AGK: variants seen among roughly 807,000 people sequenced by gnomAD.
The protein encoded by AGK is acylglycerol kinase, mitochondrial.
AGK carries 52 observed loss-of-function variants against 66.4 expected under a neutral mutation model. The observed-to-expected ratio is 0.78, with a 90% CI of 0.63 to 0.99. AGK has a LOEUF of 0.99. Among genes scored for constraint, AGK ranks in the 50% least tolerant of loss-of-function variants. AGK has a pLI of 0.00. For synonymous variants in AGK, 182 were observed against 181.1 expected (o/e 1.00, Z -0.04); for missense variants, 451 against 506.6 (o/e 0.89, Z 1.05).
At chr7:141,609,961 GT>G (rs1016385954) in intron 5 of AGK, among the ~76,000 whole-genome samples, 1 of 149,802 alleles carries the variant, frequency 6.7e-6, no homozygotes, top group African/African-American at 2.5e-5. Context: ...GTATGTATGG[GT>G]TTTTTTTTGT....
Position 141,654,246 on chromosome 7 carries a change from TAA to T in AGK, c.*1325_*1326del, listed in dbSNP as rs944058713. ...AAAACGGTATTAATTCTTGGATGATTAAAAGTTTTTTTATTAGAATGTTCTTT... is the reference window on the plus strand; with the variant it reads ...AAAACGGTATTAATTCTTGGATGATTAAGTTTTTTTATTAGAATGTTCTTT... On this transcript the variant is annotated 3_prime_UTR_variant, in exon 16 of 16. Coordinates refer to ENST00000649286, the MANE Select transcript of AGK (RefSeq NM_018238.4). The T allele has an allele frequency of 2.6e-5, 4 of 152,224 alleles. No individual in the cohort carries two copies. The highest frequency in any genetic ancestry group is 7.2e-5 in the African/African-American group (3 of 41,462). The allele number at this position is 152,224 out of a possible 1,614,324, so 9.4% of individuals were successfully genotyped here.
intron 1 of AGK, 33 bp downstream of exon 1, chr7:141,551,467 G>A: frequency 6.5e-6 from 1 of 153,402 alleles, no homozygotes; most frequent in Non-Finnish European, 1.5e-5. Context: ...GGGGAGCGCA[G>A]TGCGGGTCGC....
chr7:141,642,328 T>G, intron 13 of AGK, among the ~76,000 whole-genome samples: 1 of 152,242 alleles, frequency 6.6e-6, no homozygotes, highest in East Asian at 1.9e-4. Flanking sequence ...TACATCTGTA[T>G]CTATATCTAC....
rs1410534691 is a variant in AGK, at chr7:141,653,489, A to AT, written c.*572dup. On this transcript the variant is annotated 3_prime_UTR_variant, in exon 16 of 16. Transcript: ENST00000649286. ...TACCGGAAAATGCTAGTTTTTATTT[A>AT]TTTTTTTAAGTAGTGCTTCCTAAAT... 2 of 152,220 alleles carry AT rather than the reference A, an allele frequency of 1.3e-5. No individual in the cohort carries two copies. Among genetic ancestry groups the AT allele is most frequent in the African/African-American group, 4.8e-5 (2 of 41,418 alleles). The allele number at this position is 152,220 out of a possible 1,614,324, so 9.4% of individuals were successfully genotyped here. A position where few individuals can be genotyped will look rare whatever the true frequency, so the allele number is the denominator to read the frequency against.
At chr7:141,621,505 T>C (rs1330117888) in intron 8 of AGK, among the ~76,000 whole-genome samples, 2 of 152,116 alleles carry the variant, frequency 1.3e-5, no homozygotes, top group African/African-American at 4.8e-5. Flanking sequence ...ATCAGTGCCT[T>C]GTATGAACTT....
At chr7:141,590,317 G>T (rs1796084239) in intron 2 of AGK, among the ~76,000 whole-genome samples, 1 of 152,188 alleles carries the variant, frequency 6.6e-6, no homozygotes, top group South Asian at 2.1e-4. Context: ...AAATGGGCAG[G>T]ATATAGAGAT....
At chr7:141,626,237 A>G (rs751612500) in intron 9 of AGK, among the ~76,000 whole-genome samples, 5 of 152,226 alleles carry the variant, frequency 3.3e-5, no homozygotes, top group Non-Finnish European at 7.3e-5. Context: ...TATTACAAAG[A>G]ACAACAATGA....
At chr7:141,591,098 T>G (rs921506850) in intron 2 of AGK, among the ~76,000 whole-genome samples, 1 of 137,962 alleles carries the variant, frequency 7.2e-6, no homozygotes, top group African/African-American at 2.8e-5. Context: ...TTTTTTTTTT[T>G]TTTTTTTTTT....
At chr7:141,553,029 TG>T (rs1795131837) in intron 1 of AGK, among the ~76,000 whole-genome samples, 1 of 152,102 alleles carries the variant, frequency 6.6e-6, no homozygotes, top group South Asian at 2.1e-4. Context: ...TAGCAAAAAC[TG>T]GGTGGCTTAA....
chr7:141,585,173 CG>C (rs1795971379), intron 2 of AGK, among the ~76,000 whole-genome samples: 1 of 152,236 alleles, frequency 6.6e-6, no homozygotes, highest in East Asian at 1.9e-4. Context: ...TTCTGTCGGC[CG>C]AAAAGATCAA....
At chr7:141,611,945 G>A (rs1197283786) in intron 6 of AGK, among the ~76,000 whole-genome samples, 1 of 152,136 alleles carries the variant, frequency 6.6e-6, no homozygotes, top group African/African-American at 2.4e-5. Flanking sequence ...TTACAAAACT[G>A]AACACACTGT....
At chr7:141,604,064 C>T (rs1008018175) in intron 5 of AGK, among the ~76,000 whole-genome samples, 5 of 151,760 alleles carry the variant, frequency 3.3e-5, no homozygotes, top group Admixed American at 6.6e-5. Context: ...TATGCAAGTA[C>T]TAATATGTAC....
At chr7:141,569,613 T>G (rs188165978) in intron 2 of AGK, among the ~76,000 whole-genome samples, 174 of 152,366 alleles carry the variant, frequency 1.1e-3, no homozygotes, top group Admixed American at 5.0e-3. Flanking sequence ...TCTGAGCACT[T>G]TACATTTATT....
rs1554400830 is a variant in AGK, at chr7:141,604,374, G to GTGTATATATATA, written c.297+3095_297+3096insGTATATATATAT. 1.5e-3 allele frequency among the ~76,000 whole-genome samples: 167 copies of GTGTATATATATA among 113,788 alleles called. 1 individual carries two copies. The highest frequency in any genetic ancestry group is 4.4e-3 in the African/African-American group (130 of 29,214). 74.6% of individuals were successfully genotyped at this position (113,788 alleles called of 152,430 possible). ...CATATGTATGAATGTGTGTGTGTGT[G>GTGTATATATATA]TATATATATATATATATATATATAT... On this transcript the variant is annotated intron_variant, in intron 5 of 15. Coordinates refer to ENST00000649286, the MANE Select transcript of AGK (RefSeq NM_018238.4).
chr7:141,618,952 T>C (rs1796765488), intron 8 of AGK, among the ~76,000 whole-genome samples: 1 of 152,182 alleles, frequency 6.6e-6, no homozygotes, highest in African/African-American at 2.4e-5. Context: ...AACACTGATA[T>C]ACCTTTACAA....
intron 9 of AGK, among the ~76,000 whole-genome samples, chr7:141,628,031 G>GCCA (rs1796974765): frequency 6.6e-6 from 1 of 152,158 alleles, no homozygotes; most frequent in Non-Finnish European, 1.5e-5. Context: ...ACAGGCGCAT[G>GCCA]CCACCACACC....
chr7:141,625,614 A>G (rs980859017), intron 9 of AGK, among the ~76,000 whole-genome samples: 1 of 152,190 alleles, frequency 6.6e-6, no homozygotes, highest in East Asian at 1.9e-4. Flanking sequence ...CGTCTACCTC[A>G]TATGGTTGTT....
At chr7:141,563,784 TC>T (rs368094441) in intron 2 of AGK, among the ~76,000 whole-genome samples, 78 of 152,344 alleles carry the variant, frequency 5.1e-4, no homozygotes, top group Middle Eastern at 6.8e-3. Context: ...GGATTTCTTG[TC>T]CCTTGGCTCC....
Position 141,555,169 on chromosome 7 carries a change from G to A in AGK, c.-14-284G>A, listed in dbSNP as rs1487043539. On this transcript the variant is annotated intron_variant, in intron 1 of 15. Coordinates refer to ENST00000649286, the MANE Select transcript of AGK (RefSeq NM_018238.4). This position sits in a 1 kb window ranked among gnomAD's most constrained non-coding sequence, Gnocchi z 4.2. ...CCCTCCCTCTTCCTTCTATTGCAATGAAGAAATAGTGATCAGAGAGGGAAG... is the reference window on the plus strand; with the variant it reads ...CCCTCCCTCTTCCTTCTATTGCAATAAAGAAATAGTGATCAGAGAGGGAAG... Among the ~76,000 whole-genome samples, 3 of 152,162 alleles carry A rather than the reference G, an allele frequency of 2.0e-5. No homozygotes were observed.
Sources: gnomAD v4.1 joint callset for allele counts (sites outside exome capture counted in the v4.1 genomes callset) on GRCh38, gnomAD v4.1.1 for gene constraint, Gnocchi (gnomAD v3.1) non-coding constraint, MANE v1.5 for transcripts, NCBI Gene and HGNC (gene_info 2026-07-23, HGNC 2026-07-21) for gene names.